Variants in COBLL1 observed in about 807,000 individuals in gnomAD.
The protein encoded by COBLL1 is cordon-bleu WH2 repeat protein like 1.
COBLL1 carries 50 observed loss-of-function variants against 94.8 expected under a neutral mutation model. That is an observed-to-expected ratio of 0.53 (90% CI 0.42 to 0.67). The LOEUF (loss-of-function observed/expected upper bound fraction) is 0.67, where lower values mean the gene tolerates loss of function less well. Among genes scored for constraint, COBLL1 ranks in the 30% least tolerant of loss-of-function variants. The probability of loss-of-function intolerance (pLI) is 0.00; values close to 1 mark genes in which losing one functional copy is unlikely to be tolerated. For synonymous variants in COBLL1, 448 were observed against 473.8 expected (o/e 0.95, Z 0.71); for missense variants, 1,362 against 1,348.7 (o/e 1.01, Z -0.15).
intron 2 of COBLL1, among the ~76,000 whole-genome samples, chr2:164,817,361 T>TAAAAAAAAAAA (rs10599487): frequency 8.6e-6 from 1 of 116,468 alleles, no homozygotes; most frequent in East Asian, 2.4e-4. Flanking sequence ...TGGTATATAT[T>TAAAAAAAAAAA]AAAAAAAAAA....
chr2:164,771,487 T>C (rs1688201644), intron 2 of COBLL1, among the ~76,000 whole-genome samples: 1 of 152,012 alleles, frequency 6.6e-6, no homozygotes, highest in Admixed American at 6.6e-5. Context: ...AACTCAAACT[T>C]AAGTACATTT....
rs1037925233 is a variant in COBLL1, at chr2:164,685,171, A to G, written c.*775T>C. 1 of 152,192 alleles carries G rather than the reference A, an allele frequency of 6.6e-6. No homozygotes were observed. The highest frequency in any genetic ancestry group is 6.5e-5 in the Admixed American group (1 of 15,278). 9.4% of individuals were successfully genotyped at this position (152,192 alleles called of 1,614,324 possible). A position where few individuals can be genotyped will look rare whatever the true frequency, so the allele number is the denominator to read the frequency against. ...TCAAATGTGAAATAACTGTCACAAT[A>G]TATCAGCATTTTCACAGAAAGATGT... On this transcript the variant is annotated 3_prime_UTR_variant, in exon 14 of 14. Transcript: ENST00000652658.
intron 7 of COBLL1, among the ~76,000 whole-genome samples, chr2:164,712,505 T>C (rs1684947246): frequency 6.6e-6 from 1 of 152,094 alleles, no homozygotes; most frequent in South Asian, 2.1e-4. Context: ...TTAAATAGTA[T>C]AAAATATCTT....
chr2:164,841,236 G>A lies in COBLL1; in HGVS notation c.-40C>T. On this transcript the variant is annotated 5_prime_UTR_variant, in exon 2 of 14. Coordinates refer to ENST00000652658, the MANE Select transcript of COBLL1 (RefSeq NM_001365672.2). The surrounding 1 kb of genome is among the most constrained non-coding windows in gnomAD (Gnocchi z 5.5). ...CTGCGCGGGCTCCAGCTCCCAGGCG[G>A]CGCGTCACTGCTGGGGTGGGAGAGG... The A allele has an allele frequency of 8.1e-7, 1 of 1,229,646 alleles. No individual in the cohort carries two copies. Among genetic ancestry groups the A allele is most frequent in the Non-Finnish European group, 1.0e-6 (1 of 987,392 alleles). The allele number at this position is 1,229,646 out of a possible 1,614,324, so 76.2% of individuals were successfully genotyped here. A position where few individuals can be genotyped will look rare whatever the true frequency, so the allele number is the denominator to read the frequency against.
At chr2:164,702,632 T>C (rs947083772) in intron 9 of COBLL1, among the ~76,000 whole-genome samples, 2 of 151,468 alleles carry the variant, frequency 1.3e-5, no homozygotes, top group South Asian at 2.1e-4. Context: ...AAGGCCATGA[T>C]GGTTTAGATA....
At chr2:164,676,718 C>T (rs2105390751), downstream of COBLL1, among the ~76,000 whole-genome samples, 1 of 151,754 alleles carries the variant, frequency 6.6e-6, no homozygotes, top group South Asian at 2.1e-4. Context: ...GAGTCTAGAG[C>T]CAGAATCCCA....
intron 2 of COBLL1, among the ~76,000 whole-genome samples, chr2:164,821,413 C>T (rs1022964891): frequency 6.6e-6 from 1 of 152,162 alleles, no homozygotes; most frequent in Non-Finnish European, 1.5e-5. Flanking sequence ...CAATCTTACA[C>T]ATTGTTTATA....
At chr2:164,776,279 C>T (rs2105263451) in intron 2 of COBLL1, among the ~76,000 whole-genome samples, 1 of 152,224 alleles carries the variant, frequency 6.6e-6, no homozygotes, top group Non-Finnish European at 1.5e-5. Flanking sequence ...TCTCAAACTC[C>T]TTATCCTGGT....
intron 2 of COBLL1, among the ~76,000 whole-genome samples, chr2:164,821,930 C>G (rs1685188214): frequency 6.6e-6 from 1 of 152,200 alleles, no homozygotes; most frequent in Non-Finnish European, 1.5e-5. Context: ...ATCTTGTTAA[C>G]TTTTCCTATG....
chr2:164,742,011 T>A (rs1241163635), intron 3 of COBLL1, among the ~76,000 whole-genome samples: 1 of 152,016 alleles, frequency 6.6e-6, no homozygotes, highest in East Asian at 1.9e-4. Context: ...AGTGATGAGA[T>A]TCCACCATTC....
chr2:164,765,592 C>T (rs1323161351), intron 2 of COBLL1, among the ~76,000 whole-genome samples: 2 of 151,900 alleles, frequency 1.3e-5, no homozygotes, highest in Admixed American at 6.6e-5. Flanking sequence ...GTGGAGAAAG[C>T]TAAAGCAAAA....
chr2:164,785,001 T>TA (rs947558265), intron 2 of COBLL1, among the ~76,000 whole-genome samples: 3 of 152,022 alleles, frequency 2.0e-5, no homozygotes, highest in Non-Finnish European at 2.9e-5. Flanking sequence ...AATGCTATTG[T>TA]AAAAAAGGCT....
intron 2 of COBLL1, among the ~76,000 whole-genome samples, chr2:164,840,184 T>A (rs530092963): frequency 1.3e-5 from 2 of 152,192 alleles, no homozygotes; most frequent in African/African-American, 4.8e-5. Context: ...ACAACGTCGA[T>A]TTTTCCTTAA....
chr2:164,771,998 G>A lies in COBLL1; in HGVS notation c.42-28123C>T, dbSNP rs574421443. On this transcript the variant is annotated intron_variant, in intron 2 of 13. Coordinates refer to ENST00000652658, the MANE Select transcript of COBLL1 (RefSeq NM_001365672.2). ...GTAATTTGCTTTCTAAAGAACGTAT[G>A]CATAGTGGGAGTAAACAAGACACCA... 7 of 151,914 alleles carry A rather than the reference G, an allele frequency of 4.6e-5. No individual in the cohort carries two copies. In the South Asian group the frequency reaches 1.5e-3, roughly 32 times the overall value. 9.4% of individuals were successfully genotyped at this position (151,914 alleles called of 1,614,324 possible).
chr2:164,694,469 CA>C lies in COBLL1; in HGVS notation c.2922del (p.Phe974LeufsTer19), dbSNP rs769821930. The C allele has an allele frequency of 6.2e-7, 1 of 1,613,856 alleles. No individual in the cohort carries two copies. Among genetic ancestry groups the C allele is most frequent in the South Asian group, 1.1e-5 (1 of 91,074 alleles). ...STQNLKTLKT[F>X]GAPRPYSSSG... ...GAACTTGAGTATGGTCGTGGGGCAC[CA>C]AAAGTTTTCAAAGTCTTCAGATTTT... is the stretch of plus-strand genomic sequence containing the variant. On this transcript the variant is annotated frameshift_variant, in exon 12 of 14. Coordinates refer to ENST00000652658, the MANE Select transcript of COBLL1 (RefSeq NM_001365672.2). LOFTEE classifies it high-confidence loss of function.
chr2:164,794,128 A>C (rs555165505), intron 2 of COBLL1, among the ~76,000 whole-genome samples: 2 of 152,320 alleles, frequency 1.3e-5, no homozygotes, highest in East Asian at 3.9e-4. Flanking sequence ...TAAGAAAAAG[A>C]ATTGTCTACC....
chr2:164,752,311 A>G (rs550626093), intron 2 of COBLL1, among the ~76,000 whole-genome samples: 1 of 152,320 alleles, frequency 6.6e-6, no homozygotes, highest in East Asian at 1.9e-4. Context: ...AAGGTTCCTT[A>G]GCCAGTAAGT....
intron 2 of COBLL1, among the ~76,000 whole-genome samples, chr2:164,818,345 CAT>C (rs1684944820): frequency 5.4e-5 from 6 of 111,872 alleles, no homozygotes; most frequent in East Asian, 2.3e-4. Flanking sequence ...TGTATATATA[CAT>C]ATGTGCATAT....
chr2:164,818,311 TAC>T (rs374850273), intron 2 of COBLL1, among the ~76,000 whole-genome samples: 3 of 147,572 alleles, frequency 2.0e-5, no homozygotes, highest in South Asian at 2.1e-4. Flanking sequence ...TGTATACATA[TAC>T]ACGTGTGTAT....
Sources: gnomAD v4.1 joint callset for allele counts (sites outside exome capture counted in the v4.1 genomes callset) on GRCh38, gnomAD v4.1.1 for gene constraint, Gnocchi (gnomAD v3.1) non-coding constraint, MANE v1.5 for transcripts, NCBI Gene and HGNC (gene_info 2026-07-23, HGNC 2026-07-21) for gene names.